CEP162: variants seen among roughly 807,000 people sequenced by gnomAD.
The protein encoded by CEP162 is centrosomal protein of 162 kDa.
CEP162 carries 141 observed loss-of-function variants against 169.2 expected under a neutral mutation model. That is an observed-to-expected ratio of 0.83 (90% CI 0.73 to 0.96). CEP162 has a LOEUF of 0.96. CEP162 is among the 40% of genes least tolerant of loss of function. The pLI, the probability that CEP162 is intolerant of heterozygous loss-of-function variation, is 0.00. For missense variants in CEP162, 1,600 were observed against 1,587.2 expected, an observed-to-expected ratio of 1.01 and a Z score of -0.14; for synonymous variants, 540 against 526.4, an observed-to-expected ratio of 1.03 and a Z score of -0.35.
At chr6:84,162,321 T>G (rs1480323596) in intron 19 of CEP162, among the ~76,000 whole-genome samples, 2 of 152,208 alleles carry the variant, frequency 1.3e-5, no homozygotes, top group Admixed American at 6.5e-5. Flanking sequence ...CCATTTATTA[T>G]GTTATTTACT....
chr6:84,224,748 A>G (rs567583714), intron 2 of CEP162, among the ~76,000 whole-genome samples: 104 of 152,276 alleles, frequency 6.8e-4, no homozygotes, highest in South Asian at 1.0e-3. Flanking sequence ...AGACACAGAC[A>G]GAAGGGTGGG....
intron 9 of CEP162, among the ~76,000 whole-genome samples, chr6:84,196,944 G>A (rs2099542411): frequency 6.6e-6 from 1 of 152,166 alleles, no homozygotes; most frequent in Non-Finnish European, 1.5e-5. Flanking sequence ...GAAGGGCAGA[G>A]ATTTTCAAGA....
At chr6:84,165,202 T>G (rs1562032171) in intron 18 of CEP162, among the ~76,000 whole-genome samples, 1 of 151,922 alleles carries the variant, frequency 6.6e-6, no homozygotes. Flanking sequence ...AGCCCCATCC[T>G]GGCCCCCAGG....
chr6:84,169,435 T>C lies in CEP162; in HGVS notation c.2280-2A>G. On this transcript the variant is annotated splice_acceptor_variant, in intron 17 of 26. Transcript: ENST00000403245. LOFTEE classifies it high-confidence loss of function. ...AAACGACTTTTGTGCATCTGTTCTC[T>C]AATTTATTTTGAAAATAAAAAGTTG... The C allele has an allele frequency of 2.0e-6, 3 of 1,520,926 alleles. No homozygotes were observed. Among genetic ancestry groups the C allele is most frequent in the Non-Finnish European group, 2.7e-6 (3 of 1,126,616 alleles). The allele number at this position is 1,520,926 out of a possible 1,614,324, so 94.2% of individuals were successfully genotyped here. A position where few individuals can be genotyped will look rare whatever the true frequency, so the allele number is the denominator to read the frequency against.
intron 25 of CEP162, among the ~76,000 whole-genome samples, 168 bp from the exon 26 acceptor site, chr6:84,126,680 C>A (rs6913525): frequency 0.053 from 8,074 of 152,096 alleles, 687 homozygotes; most frequent in African/African-American, 0.18. Context: ...GTAAAGGTTC[C>A]TCCTAACTCT....
chr6:84,177,446 G>A (rs2099532871), intron 13 of CEP162, among the ~76,000 whole-genome samples: 1 of 152,160 alleles, frequency 6.6e-6, no homozygotes, highest in Middle Eastern at 3.2e-3. Context: ...ATGTGGCAGG[G>A]CTCCAGGCCA....
rs779287195 is a variant in CEP162, at chr6:84,126,349, T to C, written c.4005+29A>G. The C allele has an allele frequency of 2.2e-5, 33 of 1,532,090 alleles. 1 individual carries two copies. Among genetic ancestry groups the C allele is most frequent in the Non-Finnish European group, 2.8e-5 (32 of 1,141,066 alleles). 94.9% of individuals were successfully genotyped at this position (1,532,090 alleles called of 1,614,324 possible). A position where few individuals can be genotyped will look rare whatever the true frequency, so the allele number is the denominator to read the frequency against. ...AAAGGCACTTAAAAGTAAAGACCTATATAAATATGTAAATGTGATTTACTT... is the reference window on the plus strand; with the variant it reads ...AAAGGCACTTAAAAGTAAAGACCTACATAAATATGTAAATGTGATTTACTT... On this transcript the variant is annotated intron_variant, in intron 26 of 26. Coordinates refer to ENST00000403245, the MANE Select transcript of CEP162 (RefSeq NM_014895.4).
chr6:84,142,031 T>C (rs2099516901), intron 25 of CEP162, among the ~76,000 whole-genome samples: 1 of 152,140 alleles, frequency 6.6e-6, no homozygotes, highest in Non-Finnish European at 1.5e-5. Flanking sequence ...TTCAAGGAGT[T>C]AACTAAAACA....
intron 25 of CEP162, among the ~76,000 whole-genome samples, chr6:84,140,215 T>C (rs2099515977): frequency 1.3e-5 from 2 of 152,190 alleles, no homozygotes; most frequent in African/African-American, 4.8e-5. Flanking sequence ...GAGTTTGTCT[T>C]AATAAGAGAC....
At chr6:84,215,025 C>T (rs2099550978) in intron 5 of CEP162, among the ~76,000 whole-genome samples, 1 of 152,150 alleles carries the variant, frequency 6.6e-6, no homozygotes, top group Admixed American at 6.5e-5. Flanking sequence ...CTAGTAAGGA[C>T]TTCTTGGCAA....
At chr6:84,161,229 G>A (rs1336920217) in intron 20 of CEP162, among the ~76,000 whole-genome samples, 1 of 152,072 alleles carries the variant, frequency 6.6e-6, no homozygotes. Flanking sequence ...GAGTGGTAAG[G>A]GCTAAGAAGA....
At chr6:84,204,690 C>T (rs1423796529) in intron 6 of CEP162, among the ~76,000 whole-genome samples, 1 of 152,132 alleles carries the variant, frequency 6.6e-6, no homozygotes, top group Non-Finnish European at 1.5e-5. Flanking sequence ...TGAGCAAACA[C>T]ATTCAAAAGC....
Position 84,152,689 on chromosome 6 carries a change from TG to T in CEP162, c.3484del (p.His1162IlefsTer18). ...TGAAACATGGGAATCAGTGAAAGTA[TG>T]TGGTTGGTACAGCTTGCTGTCCAGG... ...GTLDSKLYQP[H>X]TFTDSHVSEV... On this transcript the variant is annotated frameshift_variant, in exon 23 of 27. Transcript: ENST00000403245. LOFTEE classifies it high-confidence loss of function. 8.1e-6 allele frequency: 13 copies of T among 1,612,780 alleles called. No homozygotes were observed. The highest frequency in any genetic ancestry group is 1.1e-5 in the Non-Finnish European group (13 of 1,179,400).
intron 22 of CEP162, among the ~76,000 whole-genome samples, chr6:84,153,571 C>T (rs1394257596): frequency 6.6e-6 from 1 of 152,134 alleles, no homozygotes; most frequent in Admixed American, 6.6e-5. Flanking sequence ...CTTCGGGAAA[C>T]AGCACATTTT....
Position 84,182,624 on chromosome 6 carries a change from G to A in CEP162, c.1663+2563C>T, listed in dbSNP as rs57163830. Among the ~76,000 whole-genome samples the A allele has an allele frequency of 3.4e-3, 525 of 152,196 alleles. 3 individuals are homozygous for A. Among genetic ancestry groups the A allele is most frequent in the African/African-American group, 0.012 (483 of 41,536 alleles). The stretch of plus-strand genomic sequence containing the variant: ...GATGCAAAAACTTTCCTGGGTTGAT[G>A]GTTTGGCTGGCATCTACCTTTTACC... On this transcript the variant is annotated intron_variant, in intron 13 of 26. Coordinates refer to ENST00000403245, the MANE Select transcript of CEP162 (RefSeq NM_014895.4).
chr6:84,216,359 T>C (rs1205414048), intron 3 of CEP162, among the ~76,000 whole-genome samples: 1 of 152,028 alleles, frequency 6.6e-6, no homozygotes, highest in East Asian at 1.9e-4. Context: ...GTAGGTACAA[T>C]TAAAAACCTA....
At chr6:84,145,836 T>G (rs2099518633) in intron 25 of CEP162, among the ~76,000 whole-genome samples, 1 of 152,136 alleles carries the variant, frequency 6.6e-6, no homozygotes, top group Admixed American at 6.6e-5. Flanking sequence ...TAAAAAATGC[T>G]TTGAGCCCAA....
intron 13 of CEP162, among the ~76,000 whole-genome samples, chr6:84,176,420 C>T (rs2099532428): frequency 6.6e-6 from 1 of 152,126 alleles, no homozygotes; most frequent in African/African-American, 2.4e-5. Context: ...CATGAAGAGA[C>T]TGTTTTAAGT....
At chr6:84,172,602 C>A (rs2099530609) in intron 16 of CEP162, among the ~76,000 whole-genome samples, 1 of 152,100 alleles carries the variant, frequency 6.6e-6, no homozygotes, top group African/African-American at 2.4e-5. Context: ...ACTTATGGGT[C>A]TGTTAAATTT....
Sources: gnomAD v4.1 joint callset for allele counts (sites outside exome capture counted in the v4.1 genomes callset) on GRCh38, gnomAD v4.1.1 for gene constraint, MANE v1.5 for transcripts, NCBI Gene and HGNC (gene_info 2026-07-23, HGNC 2026-07-21) for gene names.